The following OSBPL1A variants were observed in gnomAD, a reference collection of about 807,000 sequenced individuals.
The protein encoded by OSBPL1A is oxysterol binding protein like 1A, also known as oxysterol-binding protein-related protein 1.
Under a neutral mutation model 137.1 loss-of-function variants are expected in OSBPL1A, and 80 were observed. The observed-to-expected ratio is 0.58, with a 90% CI of 0.49 to 0.70. The LOEUF (loss-of-function observed/expected upper bound fraction) is 0.70. Among genes scored for constraint, OSBPL1A ranks in the 30% least tolerant of loss-of-function variants. The pLI, the probability that OSBPL1A is intolerant of heterozygous loss-of-function variation, is 0.00. For missense variants in OSBPL1A, 970 were observed against 1,129.4 expected, an observed-to-expected ratio of 0.86 and a Z score of 2.02; for synonymous variants, 365 against 389.7, an observed-to-expected ratio of 0.94 and a Z score of 0.75.
chr18:24,216,826 T>C (rs2087716828), intron 17 of OSBPL1A, among the ~76,000 whole-genome samples: 1 of 152,156 alleles, frequency 6.6e-6, no homozygotes, highest in African/African-American at 2.4e-5. Context: ...CAACGGTCAA[T>C]GCAGTAGCAA....
chr18:24,163,731 CCTT>C (rs937797222), intron 27 of OSBPL1A, among the ~76,000 whole-genome samples: 6 of 151,706 alleles, frequency 4.0e-5, no homozygotes, highest in Non-Finnish European at 7.4e-5. Flanking sequence ...CCTTCAAACT[CCTT>C]TTTTTTTTTT....
At position 24,377,419 on chromosome 18, in the gene OSBPL1A, A is replaced by C; in HGVS notation, c.115T>G (p.Cys39Gly). 1.2e-6 allele frequency: 2 copies of C among 1,605,390 alleles called. No individual in the cohort carries two copies. The highest frequency in any genetic ancestry group is 1.1e-5 in the South Asian group (1 of 88,772). ...ARNEVIADIN[C>G]KGRSKSNLGW... ...AAATCCATTCAAAGTTTACCTTTGC[A>C]ATTAATGTCAGCAATCACTTCATTC... The change falls in exon 2 of 28, where the codon TGC (cysteine) becomes GGC (glycine). Residue 39 changes from cysteine to glycine, a missense_variant. Around this residue, in one of 2 missense-constraint regions of OSBPL1A, gnomAD observed 647 missense variants for 672.6 expected, o/e 0.96. Transcript: ENST00000319481.
chr18:24,175,481 C>T (rs2086422509), intron 21 of OSBPL1A, among the ~76,000 whole-genome samples: 2 of 152,250 alleles, frequency 1.3e-5, no homozygotes, highest in South Asian at 4.1e-4. Flanking sequence ...AGTCACTGCG[C>T]CTGACCTTAT....
In OSBPL1A at chr18:24,332,955, C is replaced by G. The variant is rs1005657384; in HGVS notation, c.612G>C (p.Leu204=). The G allele has an allele frequency of 6.2e-7, 1 of 1,612,924 alleles. No individual in the cohort carries two copies. Among genetic ancestry groups the G allele is most frequent in the African/African-American group, 1.3e-5 (1 of 74,860 alleles). ...KLLRSGADPN[L]KNKNDQKPLD... is the part of the protein sequence containing the mutation. ...CAATATGCTTACCATTTTTGTTCTT[C>G]AGATTAGGGTCTGCTCCACTTCTTA... Residue 204 remains leucine, a synonymous_variant, in exon 7 of 28, where the codon CTG becomes CTC. Transcript: ENST00000319481.
chr18:24,260,351 A>G (rs2089413492), intron 15 of OSBPL1A, among the ~76,000 whole-genome samples: 1 of 152,210 alleles, frequency 6.6e-6, no homozygotes, highest in Non-Finnish European at 1.5e-5. Context: ...ATGCTCAAAT[A>G]CTTGCAAAAA....
chr18:24,205,500 T>C (rs1474759621), intron 17 of OSBPL1A, among the ~76,000 whole-genome samples: 2 of 152,240 alleles, frequency 1.3e-5, no homozygotes, highest in South Asian at 2.1e-4. Context: ...ATTCACCCCA[T>C]ATGTGTGCAT....
At chr18:24,249,667 C>G (rs138295664) in intron 15 of OSBPL1A, among the ~76,000 whole-genome samples, 318 of 152,270 alleles carry the variant, frequency 2.1e-3, no homozygotes, top group African/African-American at 7.5e-3. Context: ...GCGAGCAAAG[C>G]CAGGCTGGGC....
chr18:24,239,343 TG>T lies in OSBPL1A; in HGVS notation c.1320del (p.Asn440LysfsTer18). 6.2e-7 allele frequency: 1 copy of T among 1,614,080 alleles called. No individual in the cohort carries two copies. The highest frequency in any genetic ancestry group is 8.5e-7 in the Non-Finnish European group (1 of 1,179,978). ...GTCTCCAGTGCTTCTGACAAGATTT[TG>T]TTTTTTTCTTGCTCTTGTTCCAATT... ...NFKLEQEQEKNKILSEALETL... is the reference protein window; with the variant it reads ...NFKLEQEQEKXKILSEALETL... On this transcript the variant is annotated frameshift_variant, in exon 16 of 28. Transcript: ENST00000319481. LOFTEE classifies it high-confidence loss of function.
chr18:24,246,145 G>C (rs544059343), intron 15 of OSBPL1A, among the ~76,000 whole-genome samples: 1 of 152,238 alleles, frequency 6.6e-6, no homozygotes, highest in Admixed American at 6.5e-5. Flanking sequence ...CTGGGAGGCA[G>C]AGGTTGTAGT....
chr18:24,362,365 G>T (rs927478076), intron 4 of OSBPL1A, among the ~76,000 whole-genome samples: 7 of 151,972 alleles, frequency 4.6e-5, no homozygotes, highest in Admixed American at 1.3e-4. Context: ...ATTATAAAAG[G>T]TTCTTTTTTC....
Position 24,312,092 on chromosome 18 carries a change from T to C in OSBPL1A, c.984A>G (p.Ala328=), listed in dbSNP as rs139630479. ...TGCTGTAAGCAGAATGTTCTTCTAT[T>C]GCTTCCAGCCAGTCCTGAAATCATG... ...LQQSREDWLE[A]IEEHSAYSTH... The change falls in exon 13 of 28, where the codon GCA becomes GCG. Residue 328 remains alanine, a synonymous_variant. Transcript: ENST00000319481. The C allele has an allele frequency of 3.1e-6, 5 of 1,614,052 alleles. No individual in the cohort carries two copies. Among genetic ancestry groups the C allele is most frequent in the Non-Finnish European group, 4.2e-6 (5 of 1,179,944 alleles).
intron 7 of OSBPL1A, among the ~76,000 whole-genome samples, chr18:24,322,416 C>G (rs147700566): frequency 2.0e-5 from 3 of 151,908 alleles, no homozygotes; most frequent in African/African-American, 4.8e-5. Context: ...CCACCGTGCC[C>G]GGCCTTGTAT....
intron 15 of OSBPL1A, among the ~76,000 whole-genome samples, chr18:24,264,745 C>CCA (rs2089530295): frequency 1.3e-5 from 2 of 152,142 alleles, no homozygotes; most frequent in Non-Finnish European, 1.5e-5. Context: ...ATATAGATGG[C>CCA]CACATCCGCT....
At chr18:24,384,785 G>A (rs1414432367) in intron 1 of OSBPL1A, among the ~76,000 whole-genome samples, 1 of 151,196 alleles carries the variant, frequency 6.6e-6, no homozygotes, top group African/African-American at 2.4e-5. Context: ...CAGGAGAATC[G>A]CTTGAACCTG....
At chr18:24,390,594 C>CACA (rs1470814183) in intron 1 of OSBPL1A, among the ~76,000 whole-genome samples, 52 of 143,416 alleles carry the variant, frequency 3.6e-4, no homozygotes, top group Middle Eastern at 3.8e-3. Flanking sequence ...ACTGGGGAGG[C>CACA]TGAGGCAGGA....
chr18:24,314,489 A>C (rs147395517), intron 11 of OSBPL1A, 142 bp from the exon 12 acceptor site: 7 of 533,416 alleles, frequency 1.3e-5, no homozygotes, highest in Middle Eastern at 4.9e-4. Flanking sequence ...AAAAATTGGA[A>C]AAAAATAGAT....
intron 3 of OSBPL1A, chr18:24,367,512 C>CA (rs1308068625): frequency 1.3e-5 from 2 of 151,642 alleles, no homozygotes; most frequent in Non-Finnish European, 1.5e-5. Flanking sequence ...GGTGTGGAGG[C>CA]ACGTGCCTAT....
intron 15 of OSBPL1A, among the ~76,000 whole-genome samples, chr18:24,257,599 A>C (rs572141471): frequency 1.3e-5 from 2 of 152,312 alleles, no homozygotes; most frequent in Admixed American, 6.5e-5. Flanking sequence ...CCCCACAAGC[A>C]CAGACAACCA....
intron 2 of OSBPL1A, among the ~76,000 whole-genome samples, chr18:24,372,274 CAAAA>C (rs11369067): frequency 2.9e-5 from 3 of 105,130 alleles, no homozygotes; most frequent in Non-Finnish European, 6.2e-5. Flanking sequence ...GACGCTGTCG[CAAAA>C]AAAAAAAAAA....
Sources: allele counts gnomAD v4.1 joint callset (sites outside exome capture counted in the v4.1 genomes callset), GRCh38; gene constraint gnomAD v4.1.1; regional missense constraint gnomAD v4.1.1; transcripts MANE v1.5; gene names NCBI Gene and HGNC (gene_info 2026-07-23, HGNC 2026-07-21).